Variants in DIPK1A observed in about 807,000 individuals in gnomAD.
DIPK1A encodes the protein family with sequence similarity 69 member A.
A neutral mutation model predicts 40.8 loss-of-function variants in DIPK1A; 27 were observed. The observed-to-expected ratio is 0.66, with a 90% confidence interval of 0.49 to 0.91. DIPK1A has a LOEUF of 0.91. Ranked by LOEUF, DIPK1A falls within the 40% of genes least tolerant of loss-of-function variation. The pLI, the probability that DIPK1A is intolerant of heterozygous loss-of-function variation, is 0.00. For missense variants in DIPK1A, 412 were observed against 505.7 expected, an observed-to-expected ratio of 0.81 and a Z score of 1.78; for synonymous variants, 166 against 171.3, an observed-to-expected ratio of 0.97 and a Z score of 0.24.
At chr1:92,863,756 A>G (rs1283983688) in intron 2 of DIPK1A, among the ~76,000 whole-genome samples, 2 of 152,108 alleles carry the variant, frequency 1.3e-5, no homozygotes, top group African/African-American at 4.8e-5. Context: ...CTTGTACTTT[A>G]AAACAGTGTG....
At chr1:92,850,144 A>G (rs543164553) in intron 3 of DIPK1A, among the ~76,000 whole-genome samples, 4 of 151,066 alleles carry the variant, frequency 2.6e-5, no homozygotes, top group Admixed American at 6.6e-5. Context: ...CATTTTTTTT[A>G]AATTTTGGAG....
rs777486641 is a variant in DIPK1A at position 92,833,510 on chromosome 1, G to A, written c.475-476C>T. ...TATTAATCTGCTTTGCAGATGCAGT[G>A]GAGTATCCTTTCTACAATTATTTTT... On this transcript the variant is annotated intron_variant, in intron 4 of 4. Coordinates refer to the DIPK1A transcript ENST00000615519. The A allele has an allele frequency of 7.5e-6, 12 of 1,609,538 alleles. No homozygotes were observed. The Admixed American group carries it at 1.8e-4, about 25-fold the overall frequency.
chr1:92,833,468 C>T lies in DIPK1A; in HGVS notation c.475-434G>A. 5 of 1,613,728 alleles carry T rather than the reference C, an allele frequency of 3.1e-6. No homozygotes were observed. The highest frequency in any genetic ancestry group is 4.2e-6 in the Non-Finnish European group (5 of 1,179,718). Reference sequence around the variant, plus strand: ...TTTAGAAGACGACGAGGTACTGTCACCTTTTTGTGTTTACAATATTAATCT... The same window carrying T: ...TTTAGAAGACGACGAGGTACTGTCATCTTTTTGTGTTTACAATATTAATCT... On this transcript the variant is annotated intron_variant, in intron 4 of 4. Coordinates refer to the DIPK1A transcript ENST00000615519.
rs138979590 is a variant in DIPK1A at position 92,833,927 on chromosome 1, G to C, written c.475-893C>G. 4.6e-4 allele frequency: 203 copies of C among 444,804 alleles called. No homozygotes were observed. Among genetic ancestry groups the C allele is most frequent in the Non-Finnish European group, 2.3e-4 (57 of 244,068 alleles). The allele number at this position is 444,804 out of a possible 1,614,324, so 27.6% of individuals were successfully genotyped here. On this transcript the variant is annotated intron_variant, in intron 4 of 4. Coordinates refer to the DIPK1A transcript ENST00000615519. ...TTGAGACCAGCCTGGGCAATATAGT[G>C]AGAGTTTGTCTTCACAAAAAATGTA... is the stretch of plus-strand genomic sequence containing the variant.
intron 1 of DIPK1A, among the ~76,000 whole-genome samples, chr1:92,948,487 T>C (rs1258490323): frequency 6.6e-6 from 1 of 151,706 alleles, no homozygotes; most frequent in African/African-American, 2.4e-5. Flanking sequence ...TCTCATTATG[T>C]TGCCCAGGCT....
intron 4 of DIPK1A, chr1:92,846,277 A>T (rs77643921): frequency 0.021 from 3,203 of 154,096 alleles, 119 homozygotes; most frequent in African/African-American, 0.072. Context: ...TGTCTCAGTT[A>T]TCATTGTGTT....
chr1:92,918,045 G>T (rs555001723), intron 1 of DIPK1A, among the ~76,000 whole-genome samples: 1 of 152,156 alleles, frequency 6.6e-6, no homozygotes, highest in Admixed American at 6.5e-5. Context: ...CCCATCCTTA[G>T]TAGAGAATAA....
intron 2 of DIPK1A, among the ~76,000 whole-genome samples, chr1:92,853,625 TATAGACCACCTGTG>T (rs1687892271): frequency 6.6e-6 from 1 of 152,242 alleles, no homozygotes; most frequent in African/African-American, 2.4e-5. Context: ...ATAGTGTAAG[TATAGACCACCTGTG>T]ACTTTAAAAA....
chr1:92,832,745 G>C (rs768958182), exon 5 of DIPK1A: 18 of 459,482 alleles, frequency 3.9e-5, no homozygotes, highest in Non-Finnish European at 6.5e-5. Context: ...TTAATTATTG[G>C]GGTAGGGCCC....
At chr1:92,867,215 C>CTG (rs1322283284) in intron 2 of DIPK1A, among the ~76,000 whole-genome samples, 1 of 125,674 alleles carries the variant, frequency 8.0e-6, no homozygotes, top group Non-Finnish European at 1.7e-5. Flanking sequence ...TACTCCAATT[C>CTG]TTTTTTTTTT....
Position 92,843,853 on chromosome 1 carries a change from T to C in DIPK1A, c.817A>G (p.Ile273Val). The change falls in exon 5 of 5, where the codon ATA (isoleucine) becomes GTA (valine). Residue 273 changes from isoleucine to valine, a missense_variant. Transcript: ENST00000370310. ...PSWPRKAKIA[I>V]GLLEFVEDVF... is the part of the protein sequence containing the mutation. ...TCTTCCACAAATTCTAGAAGTCCTA[T>C]GGCTATTTTGGCCTTTCTTGGCCAT... 1 of 1,551,778 alleles carries C rather than the reference T, an allele frequency of 6.4e-7. No individual in the cohort carries two copies. The highest frequency in any genetic ancestry group is 8.7e-7 in the Non-Finnish European group (1 of 1,146,992).
At chr1:92,936,213 T>A (rs1348009361) in intron 1 of DIPK1A, among the ~76,000 whole-genome samples, 3 of 152,152 alleles carry the variant, frequency 2.0e-5, no homozygotes, top group African/African-American at 7.2e-5. Flanking sequence ...GTCAGAAAAA[T>A]GCAGTACAGA....
At chr1:92,951,144 C>A (rs1244151203) in intron 1 of DIPK1A, among the ~76,000 whole-genome samples, 1 of 152,038 alleles carries the variant, frequency 6.6e-6, no homozygotes, top group African/African-American at 2.4e-5. Flanking sequence ...GTGGATCCAA[C>A]GCAATCATAC....
At chr1:92,863,949 C>G (rs941645490) in intron 2 of DIPK1A, among the ~76,000 whole-genome samples, 6 of 152,034 alleles carry the variant, frequency 3.9e-5, no homozygotes, top group Non-Finnish European at 7.4e-5. Context: ...CCCAGCTACT[C>G]AGGAGGCTGA....
intron 1 of DIPK1A, among the ~76,000 whole-genome samples, chr1:92,916,920 T>C (rs1650077068): frequency 6.6e-6 from 1 of 152,160 alleles, no homozygotes; most frequent in Non-Finnish European, 1.5e-5. Flanking sequence ...GGAAAAGCAT[T>C]CAATAAAATG....
chr1:92,946,871 G>A (rs1264558834), intron 1 of DIPK1A, among the ~76,000 whole-genome samples: 2 of 150,036 alleles, frequency 1.3e-5, no homozygotes, highest in East Asian at 2.0e-4. Context: ...CCGAGCCTGC[G>A]ATGTTGAAGC....
chr1:92,838,873 A>C (rs1429193518), downstream of DIPK1A, among the ~76,000 whole-genome samples: 5 of 152,242 alleles, frequency 3.3e-5, no homozygotes, highest in Non-Finnish European at 5.9e-5. Context: ...TGAGGTTTCA[A>C]ATGCAGTGAG....
Position 92,886,344 on chromosome 1 carries a change from T to C in DIPK1A, c.55-9914A>G, listed in dbSNP as rs143333831. Reference sequence around the variant, plus strand: ...TGACCCTGTCTAAAAAAAAAATTGATATTAAAAAAATTTTCTTTTTAAATA... The same window carrying C: ...TGACCCTGTCTAAAAAAAAAATTGACATTAAAAAAATTTTCTTTTTAAATA... On this transcript the variant is annotated intron_variant, in intron 1 of 4. Coordinates refer to ENST00000370310, the MANE Select transcript of DIPK1A (RefSeq NM_001006605.5). Among the ~76,000 whole-genome samples, 168 of 152,028 alleles carry C rather than the reference T, an allele frequency of 1.1e-3. 1 individual carries two copies. The highest frequency in any genetic ancestry group is 4.0e-3 in the African/African-American group (164 of 41,488).
intron 1 of DIPK1A, chr1:92,932,251 A>G: frequency 6.1e-6 from 1 of 164,470 alleles, no homozygotes; most frequent in Non-Finnish European, 1.3e-5. Context: ...GACCAGTCTG[A>G]CCAACGTGGT....
Sources: allele counts gnomAD v4.1 joint callset (sites outside exome capture counted in the v4.1 genomes callset), GRCh38; gene constraint gnomAD v4.1.1; transcripts MANE v1.5; gene names NCBI Gene and HGNC (gene_info 2026-07-23, HGNC 2026-07-21).